CSNK2A2IP: variants seen among roughly 807,000 people sequenced by gnomAD.
The protein encoded by CSNK2A2IP is casein kinase II subunit alpha'-interacting protein.
chr3:88,433,520 A>ATTTTCT, the CSNK2A2IP span, among the ~76,000 whole-genome samples: 4 of 152,122 alleles, frequency 2.6e-5, no homozygotes, highest in Non-Finnish European at 5.9e-5. Flanking sequence ...CTATTTTTAT[A>ATTTTCT]ATTTAACTCC....
the CSNK2A2IP span, among the ~76,000 whole-genome samples, chr3:88,396,390 C>T: frequency 1.2e-4 from 18 of 152,086 alleles, no homozygotes; most frequent in Non-Finnish European, 1.6e-4. Context: ...CAGGCGTGAG[C>T]CACCGCGCCC....
chr3:88,383,657 T>TC, the CSNK2A2IP span, among the ~76,000 whole-genome samples: 3 of 112,872 alleles, frequency 2.7e-5, no homozygotes, highest in Admixed American at 8.5e-5. Context: ...CTTTCTTTTT[T>TC]TTTTTTTTTT....
the CSNK2A2IP span, chr3:88,466,127 G>T: frequency 2.4e-6 from 3 of 1,231,502 alleles, no homozygotes; most frequent in African/African-American, 3.1e-5. Context: ...GACTTATTTT[G>T]GACATCACCT....
the CSNK2A2IP span, among the ~76,000 whole-genome samples, chr3:88,348,210 T>C: frequency 8.2e-4 from 124 of 152,122 alleles, no homozygotes; most frequent in Middle Eastern, 3.4e-3. Flanking sequence ...ATTGTAAATA[T>C]CTAAGACTGA....
At chr3:88,465,303 C>A in the CSNK2A2IP span, 2 of 1,093,538 alleles carry the variant, frequency 1.8e-6, no homozygotes, top group Admixed American at 4.2e-5. Flanking sequence ...CTAACAGTTA[C>A]TAAATCATCC....
the CSNK2A2IP span, among the ~76,000 whole-genome samples, chr3:88,377,177 TCTTAACCTGAAGTC>T: frequency 3.3e-5 from 5 of 151,796 alleles, no homozygotes; most frequent in Non-Finnish European, 1.5e-5. Flanking sequence ...CTGCTGAAGA[TCTTAACCTGAAGTC>T]CTTAACCTGA....
At chr3:88,377,353 A>G in the CSNK2A2IP span, among the ~76,000 whole-genome samples, 3 of 151,664 alleles carry the variant, frequency 2.0e-5, no homozygotes, top group East Asian at 1.9e-4. Context: ...CTTTATTTTC[A>G]TATTAAATTA....
the CSNK2A2IP span, among the ~76,000 whole-genome samples, chr3:88,443,404 G>A: frequency 1.3e-5 from 2 of 152,144 alleles, no homozygotes; most frequent in Admixed American, 6.6e-5. Context: ...GGAAAAAGGA[G>A]TGCAAATTGA....
At chr3:88,410,499 C>T in the CSNK2A2IP span, among the ~76,000 whole-genome samples, 633 of 152,090 alleles carry the variant, frequency 4.2e-3, 6 homozygotes, top group African/African-American at 0.015. Context: ...TCTTTTAAAG[C>T]AGCTTATCTT....
the CSNK2A2IP span, among the ~76,000 whole-genome samples, chr3:88,453,752 C>G: frequency 6.6e-6 from 1 of 151,994 alleles, no homozygotes; most frequent in African/African-American, 2.4e-5. Context: ...GCATTTTGCT[C>G]CCAGACACTT....
At chr3:88,359,794 T>C in the CSNK2A2IP span, among the ~76,000 whole-genome samples, 1 of 152,194 alleles carries the variant, frequency 6.6e-6, no homozygotes, top group South Asian at 2.1e-4. Context: ...TTAAGGTATG[T>C]CCTTGAGAAT....
chr3:88,354,681 T>C, the CSNK2A2IP span, among the ~76,000 whole-genome samples: 1 of 152,170 alleles, frequency 6.6e-6, no homozygotes, highest in Non-Finnish European at 1.5e-5. Context: ...TTAAATGTTT[T>C]AATAGCAAAT....
At chr3:88,363,172 C>T in the CSNK2A2IP span, among the ~76,000 whole-genome samples, 2 of 152,158 alleles carry the variant, frequency 1.3e-5, no homozygotes, top group South Asian at 4.1e-4. Context: ...GACTTTCCTC[C>T]CTACCCTCTT....
chr3:88,456,317 A>G, the CSNK2A2IP span, among the ~76,000 whole-genome samples: 4 of 152,132 alleles, frequency 2.6e-5, no homozygotes, highest in South Asian at 2.1e-4. Context: ...CCTTCTTTCA[A>G]TCCATGAACA....
chr3:88,464,950 G>A, the CSNK2A2IP span: 1 of 157,352 alleles, frequency 6.4e-6, no homozygotes, highest in Non-Finnish European at 1.4e-5. Flanking sequence ...GCATAGTGAT[G>A]CACTGAGTGG....
At chr3:88,406,215 T>C in the CSNK2A2IP span, among the ~76,000 whole-genome samples, 1 of 152,206 alleles carries the variant, frequency 6.6e-6, no homozygotes, top group East Asian at 1.9e-4. Flanking sequence ...ATCATGATTA[T>C]GTTGCTTTGA....
At chr3:88,431,011 G>A in the CSNK2A2IP span, among the ~76,000 whole-genome samples, 121,389 of 152,170 alleles carry the variant, frequency 0.8, 49,351 homozygotes, top group Non-Finnish European at 0.88. Flanking sequence ...CTAAGACTTC[G>A]AAATTTGGGA....
chr3:88,350,493 A>G, the CSNK2A2IP span, among the ~76,000 whole-genome samples: 1 of 151,874 alleles, frequency 6.6e-6, no homozygotes, highest in Non-Finnish European at 1.5e-5. Context: ...GGGAGAAAAG[A>G]TGAGAGGGGC....
At chr3:88,390,511 G>A in the CSNK2A2IP span, among the ~76,000 whole-genome samples, 13 of 152,286 alleles carry the variant, frequency 8.5e-5, no homozygotes, top group Admixed American at 7.8e-4. Context: ...CATCCAATGA[G>A]AGGTCTTCTC....
Sources: gnomAD v4.1 joint callset for allele counts (sites outside exome capture counted in the v4.1 genomes callset) on GRCh38, gnomAD v4.1.1 for gene constraint, MANE v1.5 for transcripts, NCBI Gene and HGNC (gene_info 2026-07-23, HGNC 2026-07-21) for gene names.